The following DMD variants were observed in gnomAD, a reference collection of about 807,000 sequenced individuals.
DMD encodes the protein dystrophin.
In DMD, 63 loss-of-function variants were observed where a neutral mutation model predicts 330.1. That is an observed-to-expected ratio of 0.19 (90% CI 0.16 to 0.24). DMD has a LOEUF of 0.24. DMD is among the 10% of genes least tolerant of loss of function. The pLI is 1.00. For missense variants in DMD, 3,344 were observed against 2,684.1 expected, an observed-to-expected ratio of 1.25 and a Z score of -5.43; for synonymous variants, 1,223 against 959.8, an observed-to-expected ratio of 1.27 and a Z score of -5.07.
chrX:31,912,870 T>C (rs2094563885), intron 47 of DMD, among the ~76,000 whole-genome samples: 1 of 112,862 alleles, frequency 8.9e-6, no homozygotes, highest in African/African-American at 3.2e-5. Flanking sequence ...TGCCTGGCTT[T>C]GGCCAATGGG....
intron 73 of DMD, among the ~76,000 whole-genome samples, chrX:31,171,276 T>C (rs2039968203): frequency 8.9e-6 from 1 of 112,019 alleles, no homozygotes; most frequent in Non-Finnish European, 1.9e-5. Flanking sequence ...AGCTTGATCG[T>C]TTATGTACCA....
chrX:32,099,191 A>C (rs1263753811), intron 44 of DMD, among the ~76,000 whole-genome samples: 2 of 111,769 alleles, frequency 1.8e-5, no homozygotes, highest in Non-Finnish European at 3.8e-5. Context: ...TTGCCATTCT[A>C]ACTGGTGTGA....
At chrX:33,138,662 GCCTTGGAGTAGTGTTT>G (rs1387635037) in intron 1 of DMD, among the ~76,000 whole-genome samples, 1 of 109,447 alleles carries the variant, frequency 9.1e-6, no homozygotes, top group African/African-American at 3.3e-5. Flanking sequence ...TTTTCTTTTT[GCCTTGGAGTAGTGTTT>G]CCTTTTCTTT....
At chrX:33,008,965 T>C (rs1272449981) in intron 2 of DMD, among the ~76,000 whole-genome samples, 3 of 98,856 alleles carry the variant, frequency 3.0e-5, no homozygotes, top group East Asian at 3.3e-4. Context: ...TATATACATA[T>C]GTGTATATAC....
In DMD at chrX:33,248,026, G is replaced by GTATT. The variant is rs1159787141; in HGVS notation, c.7+91229_7+91232dup. ...AATGGAGAATAAATAATATTTTATTGTATTTATTTATTTATTTACTTATTT... is the reference window on the plus strand; with the variant it reads ...AATGGAGAATAAATAATATTTTATTGTATTTATTTATTTATTTATTTACTTATTT... On this transcript the variant is annotated intron_variant, in intron 1 of 17. Coordinates refer to the DMD transcript ENST00000288447. 4.5e-5 allele frequency among the ~76,000 whole-genome samples: 5 copies of GTATT among 111,259 alleles called. No homozygotes were observed. In the East Asian group the frequency reaches 8.4e-4, roughly 19 times the overall value.
chrX:32,829,945 C>T (rs1193996089), intron 4 of DMD, among the ~76,000 whole-genome samples: 1 of 111,762 alleles, frequency 8.9e-6, no homozygotes, highest in African/African-American at 3.2e-5. Flanking sequence ...ATAAACATTT[C>T]ACACCATGAT....
chrX:32,391,268 T>G (rs746157517), intron 30 of DMD, among the ~76,000 whole-genome samples: 2 of 111,330 alleles, frequency 1.8e-5, no homozygotes, highest in Non-Finnish European at 3.8e-5. Context: ...ATCATGCAGA[T>G]CATTTTGCAT....
chrX:32,560,770 C>T (rs2050906727), intron 16 of DMD, among the ~76,000 whole-genome samples: 1 of 112,123 alleles, frequency 8.9e-6, no homozygotes, highest in Non-Finnish European at 1.9e-5. Flanking sequence ...GACATACTCT[C>T]ATTCCTTTTT....
chrX:33,219,306 TTGTGTGTGTGTGTGTGTG>T (rs56332488), intron 1 of DMD, among the ~76,000 whole-genome samples: 1,221 of 72,966 alleles, frequency 0.017, 25 homozygotes, highest in African/African-American at 0.05. Context: ...TTAGAGATTA[TTGTGTGTGTGTGTGTGTG>T]TGTGTGTGTG....
intron 9 of DMD, among the ~76,000 whole-genome samples, chrX:32,660,557 G>A (rs1190297061): frequency 9.0e-6 from 1 of 110,897 alleles, no homozygotes; most frequent in Non-Finnish European, 1.9e-5. Context: ...TTTATAATGG[G>A]ACTACCACCA....
At chrX:31,174,277 T>G (rs2040295409) in intron 71 of DMD, among the ~76,000 whole-genome samples, 1 of 111,880 alleles carries the variant, frequency 8.9e-6, no homozygotes, top group Admixed American at 9.5e-5. Context: ...AAATATTTCT[T>G]AGAGATACTG....
chrX:32,054,241 G>T (rs1247976454), intron 44 of DMD, among the ~76,000 whole-genome samples: 1 of 106,211 alleles, frequency 9.4e-6, no homozygotes, highest in Non-Finnish European at 1.9e-5. Context: ...TGTGCACAAC[G>T]TGCAGGTTTG....
chrX:32,767,216 G>A (rs773472476), intron 7 of DMD, among the ~76,000 whole-genome samples: 1 of 111,607 alleles, frequency 9.0e-6, no homozygotes, highest in South Asian at 3.7e-4. Flanking sequence ...TTCCAAAAAA[G>A]TAGCCATTTA....
At chrX:31,418,754 T>G (rs1287545249) in intron 60 of DMD, among the ~76,000 whole-genome samples, 1 of 112,015 alleles carries the variant, frequency 8.9e-6, no homozygotes, top group Non-Finnish European at 1.9e-5. Flanking sequence ...AACTCTTATT[T>G]TATCCAAAGA....
intron 16 of DMD, among the ~76,000 whole-genome samples, chrX:32,559,191 G>T (rs5928012): frequency 0.49 from 52,382 of 107,603 alleles, 10,121 homozygotes; most frequent in African/African-American, 0.69. Flanking sequence ...GACCTCAGAT[G>T]ATTTGCCTGC....
At position 32,690,187 on chromosome X, in the gene DMD, T is replaced by G. The variant is rs142125718; in HGVS notation, c.960+7683A>C. On this transcript the variant is annotated intron_variant, in intron 9 of 78. Transcript: ENST00000357033. ...ATCCATTAAAAACACTAGAACCAATTTAAAAATCAGTAAAGTTGTAGGATA... is the reference window on the plus strand; with the variant it reads ...ATCCATTAAAAACACTAGAACCAATGTAAAAATCAGTAAAGTTGTAGGATA... Among the ~76,000 whole-genome samples the G allele has an allele frequency of 8.3e-3, 916 of 110,865 alleles. 4 individuals are homozygous for G. Among genetic ancestry groups the G allele is most frequent in the Non-Finnish European group, 0.012 (643 of 52,777 alleles).
At chrX:31,897,210 A>ATG (rs2094351393) in intron 47 of DMD, among the ~76,000 whole-genome samples, 2 of 111,535 alleles carry the variant, frequency 1.8e-5, no homozygotes, top group South Asian at 7.5e-4. Flanking sequence ...ACTGAGAACG[A>ATG]TGATTTCCAA....
At chrX:31,600,558 AT>A (rs1465962997) in intron 55 of DMD, among the ~76,000 whole-genome samples, 5 of 70,342 alleles carry the variant, frequency 7.1e-5, no homozygotes, top group Admixed American at 2.1e-4. Flanking sequence ...ATCCAGATCC[AT>A]TTTCCCTTCT....
chrX:32,280,154 A>ATATATATATATT (rs761395977), intron 43 of DMD, among the ~76,000 whole-genome samples: 2 of 16,064 alleles, frequency 1.2e-4, no homozygotes, highest in Non-Finnish European at 2.5e-4. Context: ...GTATATATAT[A>ATATATATATATT]TATATATACA....
Sources: allele counts gnomAD v4.1 joint callset (sites outside exome capture counted in the v4.1 genomes callset), GRCh38; gene constraint gnomAD v4.1.1; transcripts MANE v1.5; gene names NCBI Gene and HGNC (gene_info 2026-07-23, HGNC 2026-07-21).